Variants in KCNMA1 observed in about 807,000 individuals in gnomAD.
KCNMA1 encodes Calcium-activated potassium channel subunit alpha-1.
A neutral mutation model predicts 140.0 loss-of-function variants in KCNMA1; 29 were observed. That is an observed-to-expected ratio of 0.21 (90% CI 0.15 to 0.28). The LOEUF (loss-of-function observed/expected upper bound fraction) is 0.28. KCNMA1 is among the 10% of genes least tolerant of loss of function. The probability of loss-of-function intolerance (pLI) is 1.00; values close to 1 mark genes in which losing one functional copy is unlikely to be tolerated. For missense variants in KCNMA1, 880 were observed against 1,602.2 expected, an observed-to-expected ratio of 0.55 and a Z score of 7.70; for synonymous variants, 612 against 611.9, an observed-to-expected ratio of 1.00 and a Z score of 0.00.
chr10:77,001,822 C>T (rs544393039), intron 18 of KCNMA1, among the ~76,000 whole-genome samples: 1 of 152,230 alleles, frequency 6.6e-6, no homozygotes, highest in South Asian at 2.1e-4. Context: ...TGATTTTTCT[C>T]CCCTAGGTAA....
intron 9 of KCNMA1, among the ~76,000 whole-genome samples, chr10:77,101,481 T>C (rs1361342406): frequency 3.9e-5 from 6 of 152,230 alleles, no homozygotes; most frequent in Admixed American, 3.3e-4. Flanking sequence ...AGATCGGTTA[T>C]TGGGGCCTGT....
At chr10:77,415,086 G>T (rs548496210) in intron 1 of KCNMA1, among the ~76,000 whole-genome samples, 17 of 152,290 alleles carry the variant, frequency 1.1e-4, no homozygotes, top group African/African-American at 3.6e-4. Flanking sequence ...ACTATGTACG[G>T]ACAGAGAGTT....
At chr10:77,539,760 C>T (rs923711292) in intron 1 of KCNMA1, among the ~76,000 whole-genome samples, 7 of 152,158 alleles carry the variant, frequency 4.6e-5, no homozygotes, top group Non-Finnish European at 8.8e-5. Flanking sequence ...TGCTGTTGGC[C>T]GCTGGGAGAA....
At chr10:77,079,748 C>G (rs1334240011) in intron 12 of KCNMA1, 198 bp from the exon 13 acceptor site, 1 of 621,146 alleles carries the variant, frequency 1.6e-6, no homozygotes, top group African/African-American at 1.8e-5. Flanking sequence ...CAACTTTTCA[C>G]TGGACAAGCC....
intron 1 of KCNMA1, among the ~76,000 whole-genome samples, chr10:77,569,993 C>T (rs2070298301): frequency 1.3e-5 from 2 of 151,968 alleles, no homozygotes; most frequent in South Asian, 4.2e-4. Flanking sequence ...AAAATGCTCA[C>T]CATCACTGGC....
At chr10:77,069,262 A>T (rs1271812179) in intron 14 of KCNMA1, among the ~76,000 whole-genome samples, 1 of 152,160 alleles carries the variant, frequency 6.6e-6, no homozygotes, top group Admixed American at 6.5e-5. Flanking sequence ...CTGGCTGATG[A>T]TGTGAATGCA....
intron 9 of KCNMA1, among the ~76,000 whole-genome samples, chr10:77,097,235 C>T (rs1404489526): frequency 6.6e-6 from 1 of 152,140 alleles, no homozygotes; most frequent in Non-Finnish European, 1.5e-5. Context: ...CCTTGAGGCT[C>T]AATCCCCCAC....
intron 23 of KCNMA1, among the ~76,000 whole-genome samples, chr10:76,943,835 T>C (rs1281278702): frequency 2.6e-5 from 4 of 152,156 alleles, no homozygotes; most frequent in Admixed American, 1.3e-4. Context: ...CCTGGCATGA[T>C]GGGGAGGAGG....
chr10:77,259,328 T>C (rs756371544), intron 2 of KCNMA1, among the ~76,000 whole-genome samples: 7 of 152,200 alleles, frequency 4.6e-5, no homozygotes, highest in Non-Finnish European at 8.8e-5. Flanking sequence ...GGAAACCTAG[T>C]AAAAATCTCT....
chr10:77,161,038 A>G (rs895269656), intron 5 of KCNMA1, among the ~76,000 whole-genome samples: 1 of 152,178 alleles, frequency 6.6e-6, no homozygotes, highest in African/African-American at 2.4e-5. Flanking sequence ...CATCCACTCA[A>G]TATGGTCAGC....
At chr10:77,353,774 A>C (rs2093165592) in intron 2 of KCNMA1, among the ~76,000 whole-genome samples, 1 of 152,198 alleles carries the variant, frequency 6.6e-6, no homozygotes, top group Non-Finnish European at 1.5e-5. Flanking sequence ...CAAATGACAA[A>C]AGGAAACATA....
intron 2 of KCNMA1, among the ~76,000 whole-genome samples, chr10:77,322,771 T>C (rs867937834): frequency 3.3e-5 from 5 of 152,018 alleles, no homozygotes; most frequent in African/African-American, 4.8e-5. Context: ...GAGGACCGAC[T>C]GTTAAAAAAA....
At chr10:77,385,888 G>A (rs1339342094) in intron 2 of KCNMA1, among the ~76,000 whole-genome samples, 1 of 152,206 alleles carries the variant, frequency 6.6e-6, no homozygotes, top group Non-Finnish European at 1.5e-5. Context: ...CTGAAGCGGG[G>A]AGATGGGACA....
At chr10:77,184,704 G>A (rs925173115) in intron 4 of KCNMA1, 119 bp downstream of exon 4, 13 of 751,232 alleles carry the variant, frequency 1.7e-5, no homozygotes, top group African/African-American at 5.2e-5. Flanking sequence ...ATCAGAATGC[G>A]GGTGCGCTGT....
rs1268574004 is a variant in KCNMA1, at chr10:77,430,198, C to T, written c.379-26175G>A. Reference sequence around the variant, plus strand: ...CCCCAGGTAGCCTCTCTCACCCTGACAATGTATCTTCACAGGTAAGGGACA... The same window carrying T: ...CCCCAGGTAGCCTCTCTCACCCTGATAATGTATCTTCACAGGTAAGGGACA... On this transcript the variant is annotated intron_variant, in intron 1 of 27. Coordinates refer to ENST00000286628, the MANE Select transcript of KCNMA1 (RefSeq NM_001161352.2). Among the ~76,000 whole-genome samples the T allele has an allele frequency of 2.0e-5, 3 of 152,342 alleles. No individual in the cohort carries two copies. In the East Asian group the frequency reaches 5.8e-4, roughly 29 times the overall value.
At chr10:77,002,916 G>A (rs2086972629) in intron 18 of KCNMA1, among the ~76,000 whole-genome samples, 1 of 152,112 alleles carries the variant, frequency 6.6e-6, no homozygotes, top group Non-Finnish European at 1.5e-5. Context: ...CTTCCATTTT[G>A]AAAGTCATTT....
intron 1 of KCNMA1, among the ~76,000 whole-genome samples, chr10:77,605,502 G>A (rs2084164080): frequency 6.6e-6 from 1 of 152,178 alleles, no homozygotes; most frequent in African/African-American, 2.4e-5. Flanking sequence ...TCAGATGATG[G>A]GCTGTCAGTG....
chr10:76,953,771 G>A (rs1325300823), intron 21 of KCNMA1, 30 bp downstream of exon 21: 1 of 1,613,696 alleles, frequency 6.2e-7, no homozygotes, highest in African/African-American at 1.3e-5. Context: ...GCAGAAGCGG[G>A]CAACATCAGA....
At chr10:77,039,821 G>A (rs939485602) in intron 14 of KCNMA1, among the ~76,000 whole-genome samples, 184 bp from the exon 15 acceptor site, 13 of 150,246 alleles carry the variant, frequency 8.7e-5, no homozygotes, top group African/African-American at 2.2e-4. Flanking sequence ...CTCATAAAGT[G>A]TGTGCCCTCT....
Sources: allele counts gnomAD v4.1 joint callset (sites outside exome capture counted in the v4.1 genomes callset), GRCh38; gene constraint gnomAD v4.1.1; transcripts MANE v1.5; gene names NCBI Gene and HGNC (gene_info 2026-07-23, HGNC 2026-07-21).